CFDP1: variants seen among roughly 807,000 people sequenced by gnomAD.
The protein encoded by CFDP1 is heterochromatin-stabilizing protein CFDP1.
CFDP1 carries 31 observed loss-of-function variants against 40.1 expected under a neutral mutation model. The ratio of observed to expected loss-of-function variants is 0.77; its 90% CI spans 0.58 to 1.04. The LOEUF is 1.04. Among genes scored for constraint, CFDP1 ranks in the 50% least tolerant of loss-of-function variants. CFDP1 has a pLI of 0.00. For synonymous variants in CFDP1, 167 were observed against 120.0 expected (o/e 1.39, Z -2.56); for missense variants, 423 against 343.4 (o/e 1.23, Z -1.83).
At chr16:75,351,586 A>C (rs1597348432) in intron 5 of CFDP1, among the ~76,000 whole-genome samples, 2 of 152,358 alleles carry the variant, frequency 1.3e-5, no homozygotes, top group South Asian at 4.1e-4. Flanking sequence ...CAAATGTTTA[A>C]ATTCATGAGT....
intron 6 of CFDP1, among the ~76,000 whole-genome samples, chr16:75,303,718 C>G (rs1258405582): frequency 6.6e-6 from 1 of 152,170 alleles, no homozygotes; most frequent in Non-Finnish European, 1.5e-5. Flanking sequence ...GACAGGTGTT[C>G]TGTAAAGTGC....
intron 5 of CFDP1, among the ~76,000 whole-genome samples, chr16:75,357,403 C>T (rs2078652048): frequency 6.6e-6 from 1 of 152,038 alleles, no homozygotes; most frequent in Non-Finnish European, 1.5e-5. Context: ...TACAGGTGTG[C>T]ACCACCATGA....
At chr16:75,330,164 T>G (rs2078434969) in intron 5 of CFDP1, among the ~76,000 whole-genome samples, 2 of 152,230 alleles carry the variant, frequency 1.3e-5, no homozygotes, top group Non-Finnish European at 2.9e-5. Flanking sequence ...TATTCCTCAA[T>G]GACCCACATG....
chr16:75,404,304 C>T (rs1360481848), intron 4 of CFDP1, among the ~76,000 whole-genome samples: 1 of 148,308 alleles, frequency 6.7e-6, no homozygotes, highest in Non-Finnish European at 1.5e-5. Context: ...GGCACGATCT[C>T]GGCTCACTGC....
At position 75,367,115 on chromosome 16, in the gene CFDP1, G is replaced by A. The variant is rs545860532; in HGVS notation, c.650+27975C>T. On this transcript the variant is annotated intron_variant, in intron 5 of 6. Coordinates refer to ENST00000283882, the MANE Select transcript of CFDP1 (RefSeq NM_006324.3). ...GGAGACAGAGGTTGCAGCGAGCCGA[G>A]ATGGCGCCACTGCATTCCAGCCTGA... is the stretch of plus-strand genomic sequence containing the variant. Among the ~76,000 whole-genome samples, 10 of 143,388 alleles carry A rather than the reference G, an allele frequency of 7.0e-5. No individual in the cohort carries two copies. The East Asian group carries it at 1.8e-3, about 26-fold the overall frequency. The allele number at this position is 143,388 out of a possible 152,430, so 94.1% of individuals were successfully genotyped here.
Position 75,411,824 on chromosome 16 carries a change from C to T in CFDP1, c.530+1G>A. 6.2e-7 allele frequency: 1 copy of T among 1,609,016 alleles called. No homozygotes were observed. Among genetic ancestry groups the T allele is most frequent in the Non-Finnish European group, 8.5e-7 (1 of 1,178,938 alleles). Reference sequence around the variant, plus strand: ...TTCAAAGTTTTTGAAGGTTCTCTTACCTTACTTCTTCACCAGCAAAATCAA... The same window carrying T: ...TTCAAAGTTTTTGAAGGTTCTCTTATCTTACTTCTTCACCAGCAAAATCAA... On this transcript the variant is annotated splice_donor_variant, in intron 4 of 6. Coordinates refer to ENST00000283882, the MANE Select transcript of CFDP1 (RefSeq NM_006324.3). LOFTEE classifies it high-confidence loss of function.
chr16:75,392,538 C>T (rs1567668888), intron 5 of CFDP1, among the ~76,000 whole-genome samples: 1 of 152,212 alleles, frequency 6.6e-6, no homozygotes, highest in Non-Finnish European at 1.5e-5. Flanking sequence ...CCCTCTGTCG[C>T]CCAGGCGGGA....
chr16:75,301,694 C>T (rs1057012171), intron 6 of CFDP1: 1 of 151,910 alleles, frequency 6.6e-6, no homozygotes, highest in Non-Finnish European at 1.5e-5. Context: ...GATTCTCAAC[C>T]TTGGCTGTGC....
intron 5 of CFDP1, among the ~76,000 whole-genome samples, chr16:75,374,476 T>C (rs964097365): frequency 3.3e-5 from 5 of 152,012 alleles, no homozygotes; most frequent in African/African-American, 7.2e-5. Flanking sequence ...TTCATATACA[T>C]AGATTACTAA....
intron 1 of CFDP1, among the ~76,000 whole-genome samples, chr16:75,426,070 G>GA (rs199993476): frequency 7.3e-6 from 1 of 136,090 alleles, no homozygotes; most frequent in African/African-American, 2.8e-5. Flanking sequence ...AAAAGTAAAG[G>GA]CCAGGCACTG....
intron 5 of CFDP1, among the ~76,000 whole-genome samples, chr16:75,354,832 C>T (rs2078636018): frequency 6.6e-6 from 1 of 152,132 alleles, no homozygotes; most frequent in African/African-American, 2.4e-5. Context: ...AGTACCGTCC[C>T]GTTGTTAATC....
chr16:75,356,514 A>C (rs146511272), intron 5 of CFDP1, among the ~76,000 whole-genome samples: 122 of 152,360 alleles, frequency 8.0e-4, no homozygotes, highest in African/African-American at 2.8e-3. Flanking sequence ...TTGTTGTTTC[A>C]CTTAAAAAAC....
chr16:75,398,641 T>G (rs1465571580), intron 4 of CFDP1, among the ~76,000 whole-genome samples: 1 of 152,222 alleles, frequency 6.6e-6, no homozygotes, highest in Non-Finnish European at 1.5e-5. Flanking sequence ...CTGGCTACTC[T>G]GCAGCCACTA....
chr16:75,314,556 C>T lies in CFDP1; in HGVS notation c.651-9374G>A, dbSNP rs1041719905. 2.0e-5 allele frequency among the ~76,000 whole-genome samples: 3 copies of T among 151,932 alleles called. No homozygotes were observed. In the East Asian group the frequency reaches 5.8e-4, roughly 29 times the overall value. On this transcript the variant is annotated intron_variant, in intron 5 of 6. Coordinates refer to ENST00000283882, the MANE Select transcript of CFDP1 (RefSeq NM_006324.3). ...TTTCTTTTTGGAGTAATGAATATGT[C>T]CTAAGTTGTAGTGATGCACAATTCT...
chr16:75,317,546 G>A (rs1179404119), intron 5 of CFDP1, among the ~76,000 whole-genome samples: 1 of 152,180 alleles, frequency 6.6e-6, no homozygotes, highest in Non-Finnish European at 1.5e-5. Flanking sequence ...GCGAACTGCT[G>A]TTGCTTTAAT....
intron 5 of CFDP1, among the ~76,000 whole-genome samples, chr16:75,335,596 G>A (rs941391178): frequency 2.2e-5 from 3 of 135,550 alleles, no homozygotes; most frequent in Non-Finnish European, 4.6e-5. Context: ...TTGCTCTGTT[G>A]CCCAGGCTGG....
chr16:75,331,189 TG>T (rs1237723417), intron 5 of CFDP1, among the ~76,000 whole-genome samples: 1 of 152,248 alleles, frequency 6.6e-6, no homozygotes, highest in African/African-American at 2.4e-5. Context: ...GAGCAGCCAA[TG>T]GCTCAGTCAT....
At chr16:75,417,256 C>T (rs1257385024) in intron 1 of CFDP1, among the ~76,000 whole-genome samples, 1 of 152,068 alleles carries the variant, frequency 6.6e-6, no homozygotes, top group African/African-American at 2.4e-5. Context: ...CACTTCTATC[C>T]CAGAATATAT....
At chr16:75,330,450 G>A (rs1339244235) in intron 5 of CFDP1, among the ~76,000 whole-genome samples, 6 of 152,308 alleles carry the variant, frequency 3.9e-5, no homozygotes, top group Non-Finnish European at 7.4e-5. Context: ...TTAGCCAGGC[G>A]TGGTGGCGCA....
Sources: allele counts gnomAD v4.1 joint callset (sites outside exome capture counted in the v4.1 genomes callset), GRCh38; gene constraint gnomAD v4.1.1; transcripts MANE v1.5; gene names NCBI Gene and HGNC (gene_info 2026-07-23, HGNC 2026-07-21).